UNC13C: variants seen among roughly 807,000 people sequenced by gnomAD.
UNC13C encodes unc-13 homolog C.
In UNC13C, 174 loss-of-function variants were observed where a neutral mutation model predicts 245.4. The observed-to-expected ratio is 0.71, with a 90% CI of 0.63 to 0.80. The LOEUF is 0.80. UNC13C is among the 30% of genes least tolerant of loss of function. The pLI is 0.00. For missense variants in UNC13C, 2,829 were observed against 2,602.9 expected (o/e 1.09, Z -1.89); for synonymous variants, 992 against 895.1 (o/e 1.11, Z -1.93).
rs541431717 is a variant in UNC13C, at chr15:53,991,636, C to A, written c.-257+12709C>A. 3.9e-5 allele frequency among the ~76,000 whole-genome samples: 6 copies of A among 152,136 alleles called. No individual in the cohort carries two copies. In the South Asian group the frequency reaches 1.2e-3, roughly 32 times the overall value. ...TATAAATTAAACAATCTCTGTGGAG[C>A]AGTGTGCATCTTCTTGCCTCTAGGA... On this transcript the variant is annotated intron_variant, in intron 1 of 32. Coordinates refer to ENST00000260323, the MANE Select transcript of UNC13C (RefSeq NM_001080534.3).
At chr15:54,620,761 G>A (rs1273904702) in intron 30 of UNC13C, among the ~76,000 whole-genome samples, 3 of 141,632 alleles carry the variant, frequency 2.1e-5, no homozygotes, top group African/African-American at 5.3e-5. Context: ...ACTCCAGCTT[G>A]AGCAACAGAG....
At chr15:54,599,383 C>A (rs1429871432) in intron 30 of UNC13C, among the ~76,000 whole-genome samples, 1 of 152,044 alleles carries the variant, frequency 6.6e-6, no homozygotes, top group Non-Finnish European at 1.5e-5. Flanking sequence ...TGCCTTTTTG[C>A]TTTCTTTTCC....
At chr15:54,151,921 A>G (rs1428490549) in intron 4 of UNC13C, among the ~76,000 whole-genome samples, 2 of 152,154 alleles carry the variant, frequency 1.3e-5, no homozygotes, top group African/African-American at 4.8e-5. Flanking sequence ...AAACACACTC[A>G]ATAGGAAATT....
At chr15:54,213,593 A>G (rs1418786617) in intron 4 of UNC13C, among the ~76,000 whole-genome samples, 1 of 152,076 alleles carries the variant, frequency 6.6e-6, no homozygotes, top group African/African-American at 2.4e-5. Flanking sequence ...CTCTGGGTAC[A>G]TTCATGGGTT....
rs113028732 is a variant in UNC13C at position 54,514,869 on chromosome 15, T to G, written c.5457+3039T>G. Among the ~76,000 whole-genome samples the G allele has an allele frequency of 3.5e-3, 527 of 152,330 alleles. 2 individuals carry two copies. The highest frequency in any genetic ancestry group is 0.012 in the African/African-American group (502 of 41,582). The stretch of plus-strand genomic sequence containing the variant: ...GACAATGGTTCCAAAAACAGTCACT[T>G]AAGCAATCATTGTTAGACAGTTGCA... On this transcript the variant is annotated intron_variant, in intron 24 of 32. Coordinates refer to ENST00000260323, the MANE Select transcript of UNC13C (RefSeq NM_001080534.3).
intron 2 of UNC13C, among the ~76,000 whole-genome samples, chr15:54,029,796 G>C (rs1896278877): frequency 6.6e-6 from 1 of 152,128 alleles, no homozygotes; most frequent in South Asian, 2.1e-4. Context: ...GCCCTACTCA[G>C]CCTTGCTCTG....
At chr15:54,083,902 A>G (rs1434791005) in intron 2 of UNC13C, among the ~76,000 whole-genome samples, 2 of 152,168 alleles carry the variant, frequency 1.3e-5, no homozygotes, top group African/African-American at 4.8e-5. Flanking sequence ...TCACCATCTC[A>G]GTTTGGGTCT....
intron 11 of UNC13C, among the ~76,000 whole-genome samples, chr15:54,295,178 C>A (rs1357263961): frequency 5.9e-5 from 9 of 152,124 alleles, no homozygotes; most frequent in Non-Finnish European, 1.0e-4. Context: ...AATAGAATTA[C>A]TAACTGAGGG....
At chr15:54,310,478 C>A (rs2037839485) in intron 13 of UNC13C, among the ~76,000 whole-genome samples, 1 of 151,768 alleles carries the variant, frequency 6.6e-6, no homozygotes, top group Non-Finnish European at 1.5e-5. Context: ...ATCAAATGCT[C>A]ATGGTGGAGA....
chr15:54,042,350 T>G (rs1409990242), intron 2 of UNC13C, among the ~76,000 whole-genome samples: 1 of 152,196 alleles, frequency 6.6e-6, no homozygotes, highest in African/African-American at 2.4e-5. Flanking sequence ...ACTTCAATAG[T>G]GACTTTTCAA....
intron 17 of UNC13C, among the ~76,000 whole-genome samples, chr15:54,339,661 A>G (rs958009964): frequency 1.8e-5 from 2 of 112,078 alleles, no homozygotes; most frequent in African/African-American, 6.2e-5. Context: ...ATATATATAT[A>G]TATCACAGTT....
intron 30 of UNC13C, among the ~76,000 whole-genome samples, chr15:54,581,291 G>A (rs577315726): frequency 6.6e-6 from 1 of 152,342 alleles, no homozygotes; most frequent in East Asian, 1.9e-4. Flanking sequence ...ACCAATCAGA[G>A]TGGAGTAGAA....
chr15:53,951,794 A>T, the UNC13C span, among the ~76,000 whole-genome samples: 1 of 152,168 alleles, frequency 6.6e-6, no homozygotes, highest in Non-Finnish European at 1.5e-5. Context: ...ATTTGTTTTT[A>T]AAGTGCAAGT....
At chr15:54,024,654 C>T (rs1020516696) in intron 2 of UNC13C, among the ~76,000 whole-genome samples, 1 of 152,084 alleles carries the variant, frequency 6.6e-6, no homozygotes, top group African/African-American at 2.4e-5. Flanking sequence ...CGCGGTGGCT[C>T]ACGTCTGTAA....
intron 4 of UNC13C, among the ~76,000 whole-genome samples, chr15:54,192,433 C>T (rs2034216536): frequency 6.6e-6 from 1 of 152,072 alleles, no homozygotes; most frequent in Non-Finnish European, 1.5e-5. Flanking sequence ...CATTTGGACA[C>T]AGGGTGATAT....
intron 19 of UNC13C, among the ~76,000 whole-genome samples, chr15:54,448,758 C>G (rs920080228): frequency 4.6e-5 from 7 of 152,116 alleles, no homozygotes; most frequent in African/African-American, 1.7e-4. Context: ...TTAATTGGAG[C>G]ATTTAGCCCA....
chr15:54,404,361 A>G (rs923179404), intron 18 of UNC13C, among the ~76,000 whole-genome samples: 1 of 152,208 alleles, frequency 6.6e-6, no homozygotes, highest in Non-Finnish European at 1.5e-5. Context: ...TCACTAAGAA[A>G]TTTGCAAGAT....
intron 1 of UNC13C, among the ~76,000 whole-genome samples, chr15:54,006,285 AG>A (rs1402475216): frequency 6.6e-6 from 1 of 152,236 alleles, no homozygotes; most frequent in Non-Finnish European, 1.5e-5. Flanking sequence ...AGTTGGGTGA[AG>A]AAATTCACAA....
chr15:54,511,639 A>G, intron 23 of UNC13C, 114 bp from the exon 24 acceptor site: 1 of 695,972 alleles, frequency 1.4e-6, no homozygotes, highest in East Asian at 2.8e-5. Context: ...TAGTATATAC[A>G]TCTAATATAA....
Sources: allele counts gnomAD v4.1 joint callset (sites outside exome capture counted in the v4.1 genomes callset), GRCh38; gene constraint gnomAD v4.1.1; transcripts MANE v1.5; gene names NCBI Gene and HGNC (gene_info 2026-07-23, HGNC 2026-07-21).